SLC39A11: variants seen among roughly 807,000 people sequenced by gnomAD.
The protein encoded by SLC39A11 is zinc transporter ZIP11.
SLC39A11 carries 33 observed loss-of-function variants against 36.1 expected under a neutral mutation model. The ratio of observed to expected loss-of-function variants is 0.91; its 90% CI spans 0.69 to 1.22. The LOEUF (loss-of-function observed/expected upper bound fraction) is 1.22. Among genes scored for constraint, SLC39A11 ranks in the 50% most tolerant of loss-of-function variants. SLC39A11 has a pLI of 0.00. For missense variants in SLC39A11, 432 were observed against 430.3 expected, an observed-to-expected ratio of 1.00 and a Z score of -0.03; for synonymous variants, 166 against 170.3, an observed-to-expected ratio of 0.97 and a Z score of 0.20.
At chr17:72,750,093 G>A (rs1050504411) in intron 6 of SLC39A11, among the ~76,000 whole-genome samples, 1 of 152,206 alleles carries the variant, frequency 6.6e-6, no homozygotes, top group African/African-American at 2.4e-5. Context: ...GAGGAATCAG[G>A]TGAACCTCTG....
Position 72,736,577 on chromosome 17 carries a change from C to T in SLC39A11, c.671+73G>A, listed in dbSNP as rs1160699188. The stretch of plus-strand genomic sequence containing the variant: ...TGAACAATAATGCACAGACAGCCCA[C>T]CCAGGTGACACGCACACCCAGAGCA... On this transcript the variant is annotated intron_variant, in intron 7 of 9. Transcript: ENST00000255559. 20 of 1,319,066 alleles carry T rather than the reference C, an allele frequency of 1.5e-5. No individual in the cohort carries two copies. In the South Asian group the frequency reaches 1.6e-4, roughly 11 times the overall value. 81.7% of individuals were successfully genotyped at this position (1,319,066 alleles called of 1,614,324 possible).
chr17:72,938,052 G>A (rs2084881351), intron 5 of SLC39A11, among the ~76,000 whole-genome samples: 1 of 152,214 alleles, frequency 6.6e-6, no homozygotes, highest in East Asian at 1.9e-4. Flanking sequence ...AAAATGTTAC[G>A]ACCCTCAAAA....
chr17:72,879,163 T>G (rs956563590), intron 5 of SLC39A11, among the ~76,000 whole-genome samples: 5 of 152,214 alleles, frequency 3.3e-5, no homozygotes, highest in African/African-American at 4.8e-5. Context: ...TATCAGGAAC[T>G]CATCCAAACC....
chr17:72,886,555 C>G (rs1042374301), intron 5 of SLC39A11, among the ~76,000 whole-genome samples: 6 of 152,296 alleles, frequency 3.9e-5, no homozygotes, highest in African/African-American at 1.4e-4. Context: ...CAAACGCATC[C>G]TCCAAACTGC....
chr17:72,720,039 G>A (rs1400830526), intron 7 of SLC39A11, among the ~76,000 whole-genome samples: 1 of 152,146 alleles, frequency 6.6e-6, no homozygotes, highest in East Asian at 1.9e-4. Flanking sequence ...TGGTCTGGAG[G>A]GGCCGACCCT....
At chr17:73,086,023 C>G (rs73353120) in intron 2 of SLC39A11, among the ~76,000 whole-genome samples, 3 of 152,100 alleles carry the variant, frequency 2.0e-5, no homozygotes, top group Non-Finnish European at 4.4e-5. Flanking sequence ...ACAGTACGTA[C>G]TATATGATTA....
chr17:72,937,656 G>A lies in SLC39A11; in HGVS notation c.430+10096C>T, dbSNP rs570101899. 7.2e-5 allele frequency among the ~76,000 whole-genome samples: 11 copies of A among 152,182 alleles called. 1 individual carries two copies. Among genetic ancestry groups the A allele is most frequent in the Admixed American group, 6.5e-4 (10 of 15,276 alleles). The stretch of plus-strand genomic sequence containing the variant: ...GCTTTCATGCTGGACCATACAAAAC[G>A]ACCTCATATTTGTTTCCCCAGGAGG... On this transcript the variant is annotated intron_variant, in intron 5 of 9. Coordinates refer to ENST00000255559, the MANE Select transcript of SLC39A11 (RefSeq NM_139177.4).
intron 6 of SLC39A11, among the ~76,000 whole-genome samples, chr17:72,742,669 T>G (rs955944945): frequency 4.6e-5 from 7 of 152,220 alleles, no homozygotes; most frequent in Non-Finnish European, 8.8e-5. Flanking sequence ...TTTTTTCCTT[T>G]GTGTACACAT....
chr17:72,733,939 G>A (rs1414757947), intron 7 of SLC39A11, among the ~76,000 whole-genome samples: 3 of 152,110 alleles, frequency 2.0e-5, no homozygotes, highest in Admixed American at 2.0e-4. Context: ...TGAGATAACT[G>A]GAAGCTGCAG....
At chr17:73,077,222 C>T (rs1474329707) in intron 3 of SLC39A11, among the ~76,000 whole-genome samples, 2 of 152,196 alleles carry the variant, frequency 1.3e-5, no homozygotes, top group Non-Finnish European at 2.9e-5. Context: ...GGGTTTGAGT[C>T]CCAACTGTCT....
Position 72,740,274 on chromosome 17 carries a change from C to T in SLC39A11, c.602-3555G>A, listed in dbSNP as rs1432703799. Reference sequence around the variant, plus strand: ...GAGACGGGGTTTCACACCGTGTTAGCCAGGATGGTCTTGATCTCCTGACCT... The same window carrying T: ...GAGACGGGGTTTCACACCGTGTTAGTCAGGATGGTCTTGATCTCCTGACCT... On this transcript the variant is annotated intron_variant, in intron 6 of 9. Transcript: ENST00000255559. Among the ~76,000 whole-genome samples the T allele has an allele frequency of 2.6e-5, 4 of 151,854 alleles. No homozygotes were observed. The East Asian group carries it at 7.7e-4, about 29-fold the overall frequency.
Position 72,852,524 on chromosome 17 carries a change from G to A in SLC39A11, c.431-2720C>T, listed in dbSNP as rs565909814. ...CTCCCAGACAGTATTTACACAAGGC[G>A]AAGCTCCACACTCATTGTGTGGTAT... On this transcript the variant is annotated intron_variant, in intron 5 of 9. Transcript: ENST00000255559. Among the ~76,000 whole-genome samples, 6 of 152,252 alleles carry A rather than the reference G, an allele frequency of 3.9e-5. No individual in the cohort carries two copies. In the East Asian group the frequency reaches 5.8e-4, roughly 15 times the overall value.
chr17:72,674,992 G>GTA (rs2071191893), intron 7 of SLC39A11, among the ~76,000 whole-genome samples: 2 of 151,554 alleles, frequency 1.3e-5, no homozygotes, highest in South Asian at 4.2e-4. Context: ...GCGTATGTGT[G>GTA]TGTGTGTGTG....
At chr17:73,008,186 G>T (rs1269216639) in intron 4 of SLC39A11, among the ~76,000 whole-genome samples, 25 of 142,144 alleles carry the variant, frequency 1.8e-4, no homozygotes, top group Non-Finnish European at 4.6e-5. Flanking sequence ...TTTGAGATGG[G>T]GTCTTACTAA....
chr17:72,852,576 TGTGTGTGC>T (rs1324176400), intron 5 of SLC39A11, among the ~76,000 whole-genome samples: 1 of 152,132 alleles, frequency 6.6e-6, no homozygotes, highest in Non-Finnish European at 1.5e-5. Context: ...CATGTACGTG[TGTGTGTGC>T]ATGTGTGCAT....
intron 5 of SLC39A11, among the ~76,000 whole-genome samples, chr17:72,853,587 A>C (rs2079486313): frequency 6.6e-6 from 1 of 151,912 alleles, no homozygotes; most frequent in Non-Finnish European, 1.5e-5. Flanking sequence ...TCTTCACCAA[A>C]ATAAAAATGC....
chr17:72,826,664 T>C (rs1175851930), intron 6 of SLC39A11, among the ~76,000 whole-genome samples: 1 of 152,190 alleles, frequency 6.6e-6, no homozygotes, highest in Non-Finnish European at 1.5e-5. Flanking sequence ...CTTGATTGGA[T>C]ATACATGGCG....
chr17:72,731,473 T>C (rs1234185220), intron 7 of SLC39A11, among the ~76,000 whole-genome samples: 1 of 152,148 alleles, frequency 6.6e-6, no homozygotes, highest in Admixed American at 6.5e-5. Flanking sequence ...GTAAAACTAT[T>C]ATATTATTAT....
chr17:72,954,744 A>G (rs1356324140), intron 4 of SLC39A11, among the ~76,000 whole-genome samples: 1 of 152,206 alleles, frequency 6.6e-6, no homozygotes, highest in Non-Finnish European at 1.5e-5. Context: ...TGCTTACATA[A>G]CACATGACCT....
Sources: allele counts gnomAD v4.1 joint callset (sites outside exome capture counted in the v4.1 genomes callset), GRCh38; gene constraint gnomAD v4.1.1; transcripts MANE v1.5; gene names NCBI Gene and HGNC (gene_info 2026-07-23, HGNC 2026-07-21).